The following MARCHF1 variants were observed in gnomAD, a reference collection of about 807,000 sequenced individuals.
MARCHF1 encodes the protein E3 ubiquitin-protein ligase MARCHF1.
Under a neutral mutation model 54.2 loss-of-function variants are expected in MARCHF1, and 40 were observed. The observed-to-expected ratio is 0.74, with a 90% CI of 0.57 to 0.96. MARCHF1 has a LOEUF of 0.96. Ranked by LOEUF, MARCHF1 falls within the 40% of genes least tolerant of loss-of-function variation. MARCHF1 has a pLI of 0.00. For synonymous variants in MARCHF1, 236 were observed against 236.3 expected (o/e 1.00, Z 0.01); for missense variants, 586 against 656.5 (o/e 0.89, Z 1.17).
intron 1 of MARCHF1, among the ~76,000 whole-genome samples, chr4:164,122,287 T>C (rs1756084376): frequency 6.6e-6 from 1 of 152,096 alleles, no homozygotes; most frequent in Non-Finnish European, 1.5e-5. Context: ...CAGTAAGATT[T>C]TCCTTTTAAT....
rs933818005 is a variant in MARCHF1, at chr4:164,368,113, GA to G, written c.-323+15756del. Among the ~76,000 whole-genome samples, 46 of 133,014 alleles carry G rather than the reference GA, an allele frequency of 3.5e-4. 1 individual carries two copies. The highest frequency in any genetic ancestry group is 1.7e-3 in the Admixed American group (23 of 13,366). 87.3% of individuals were successfully genotyped at this position (133,014 alleles called of 152,430 possible). A position where few individuals can be genotyped will look rare whatever the true frequency, so the allele number is the denominator to read the frequency against. On this transcript the variant is annotated intron_variant, in intron 1 of 9. Coordinates refer to ENST00000514618, the MANE Select transcript of MARCHF1 (RefSeq NM_001394959.1). ...TAGAAAAATATCACTGAATGAACTA[GA>G]AAAAAAAAACCACAAAGAAATGGTT... is the stretch of plus-strand genomic sequence containing the variant.
intron 9 of MARCHF1, among the ~76,000 whole-genome samples, chr4:163,538,811 G>C (rs1738623259): frequency 6.6e-6 from 1 of 152,004 alleles, no homozygotes; most frequent in Non-Finnish European, 1.5e-5. Context: ...CTTTATCCTT[G>C]ATAGCTTGTT....
intron 2 of MARCHF1, among the ~76,000 whole-genome samples, chr4:164,027,236 T>G (rs1753787862): frequency 6.6e-6 from 1 of 151,584 alleles, no homozygotes; most frequent in African/African-American, 2.4e-5. Flanking sequence ...ACAAAAGTAT[T>G]TAGAATTACA....
intron 5 of MARCHF1, among the ~76,000 whole-genome samples, chr4:163,662,236 G>A (rs1330359302): frequency 2.0e-5 from 3 of 151,654 alleles, no homozygotes; most frequent in Non-Finnish European, 4.4e-5. Flanking sequence ...TTCACATATT[G>A]TTTTCTTTGC....
intron 1 of MARCHF1, among the ~76,000 whole-genome samples, chr4:164,231,735 T>C (rs1189694709): frequency 3.3e-5 from 5 of 152,066 alleles, no homozygotes; most frequent in Non-Finnish European, 7.4e-5. Context: ...TAACCAACAT[T>C]AAAGTATCCA....
intron 2 of MARCHF1, among the ~76,000 whole-genome samples, chr4:164,024,487 C>T (rs747734628): frequency 6.6e-6 from 1 of 152,090 alleles, no homozygotes; most frequent in Non-Finnish European, 1.5e-5. Flanking sequence ...TCCTGCCAAA[C>T]TAAGTTTCAT....
intron 2 of MARCHF1, among the ~76,000 whole-genome samples, chr4:164,037,488 T>C (rs1754030343): frequency 6.6e-6 from 1 of 152,148 alleles, no homozygotes; most frequent in African/African-American, 2.4e-5. Context: ...CAGCCCCAGA[T>C]AAAATAAATT....
At chr4:163,782,186 C>A (rs1747483778) in intron 4 of MARCHF1, among the ~76,000 whole-genome samples, 2 of 126,184 alleles carry the variant, frequency 1.6e-5, no homozygotes, top group African/African-American at 5.3e-5. Context: ...TATACCCATC[C>A]TTGAAGAGAT....
intron 9 of MARCHF1, among the ~76,000 whole-genome samples, chr4:163,535,179 ATAT>A (rs1391604324): frequency 1.1e-4 from 16 of 152,178 alleles, no homozygotes; most frequent in African/African-American, 3.6e-4. Flanking sequence ...ATTCCTGCAT[ATAT>A]TATTCATTTT....
intron 3 of MARCHF1, among the ~76,000 whole-genome samples, chr4:163,860,970 A>G (rs1378070725): frequency 6.6e-6 from 1 of 152,196 alleles, no homozygotes; most frequent in Non-Finnish European, 1.5e-5. Flanking sequence ...AAGAGATATA[A>G]AAAAAGCACT....
In MARCHF1 at chr4:164,166,446, A is replaced by G. The variant is rs191331888; in HGVS notation, c.-322-54784T>C. Among the ~76,000 whole-genome samples the G allele has an allele frequency of 9.9e-5, 15 of 152,148 alleles. No individual in the cohort carries two copies. In the East Asian group the frequency reaches 2.7e-3, roughly 27 times the overall value. On this transcript the variant is annotated intron_variant, in intron 1 of 9. Transcript: ENST00000514618. The stretch of plus-strand genomic sequence containing the variant: ...GACTTTGTATTTGACAAAGTGCAGC[A>G]TCCTTTCTTGATAAAAACTCTTAAC...
chr4:164,345,573 C>CATCATCATA (rs1379040625), intron 1 of MARCHF1, among the ~76,000 whole-genome samples: 9 of 143,392 alleles, frequency 6.3e-5, no homozygotes, highest in African/African-American at 2.3e-4. Flanking sequence ...CTGTCTCAAA[C>CATCATCATA]ATAATAATAA....
At chr4:163,698,438 T>C (rs968071890) in intron 5 of MARCHF1, among the ~76,000 whole-genome samples, 1 of 152,206 alleles carries the variant, frequency 6.6e-6, no homozygotes, top group African/African-American at 2.4e-5. Flanking sequence ...TTAAGTTGGT[T>C]TAAATAGGTA....
At chr4:164,049,753 C>G (rs998330850) in intron 2 of MARCHF1, among the ~76,000 whole-genome samples, 1 of 152,140 alleles carries the variant, frequency 6.6e-6, no homozygotes, top group Non-Finnish European at 1.5e-5. Flanking sequence ...GTCATATATA[C>G]TGCACACATG....
Position 164,174,442 on chromosome 4 carries a change from C to T in MARCHF1, c.-322-62780G>A, listed in dbSNP as rs138537735. ...AGCACTGCGCACCAGATGTGTCATT[C>T]GGCATTAGAAATATGACTGTGATGT... is the stretch of plus-strand genomic sequence containing the variant. On this transcript the variant is annotated intron_variant, in intron 1 of 9. Coordinates refer to ENST00000514618, the MANE Select transcript of MARCHF1 (RefSeq NM_001394959.1). Among the ~76,000 whole-genome samples, 364 of 152,234 alleles carry T rather than the reference C, an allele frequency of 2.4e-3. 3 individuals are homozygous for T. Among genetic ancestry groups the T allele is most frequent in the African/African-American group, 8.7e-3 (361 of 41,528 alleles).
chr4:164,063,852 G>A (rs1384888479), intron 2 of MARCHF1, among the ~76,000 whole-genome samples: 1 of 151,988 alleles, frequency 6.6e-6, no homozygotes, highest in African/African-American at 2.4e-5. Flanking sequence ...GTGTAAGAAA[G>A]GGGTCCAGTT....
At chr4:164,037,065 T>C (rs1309946505) in intron 2 of MARCHF1, among the ~76,000 whole-genome samples, 1 of 152,108 alleles carries the variant, frequency 6.6e-6, no homozygotes, top group Non-Finnish European at 1.5e-5. Flanking sequence ...CATTCTAAGA[T>C]TTGGGGCTTG....
intron 3 of MARCHF1, among the ~76,000 whole-genome samples, chr4:163,889,131 T>C (rs1458826482): frequency 6.6e-6 from 1 of 152,100 alleles, no homozygotes; most frequent in Non-Finnish European, 1.5e-5. Context: ...TTAAATGAAA[T>C]GTTATGTTCT....
intron 1 of MARCHF1, among the ~76,000 whole-genome samples, chr4:164,232,249 T>C (rs2111182699): frequency 6.6e-6 from 1 of 152,298 alleles, no homozygotes; most frequent in South Asian, 2.1e-4. Flanking sequence ...TGAAGGTTAA[T>C]ACAGTTATCA....
Sources: allele counts gnomAD v4.1 joint callset (sites outside exome capture counted in the v4.1 genomes callset), GRCh38; gene constraint gnomAD v4.1.1; transcripts MANE v1.5; gene names NCBI Gene and HGNC (gene_info 2026-07-23, HGNC 2026-07-21).